The following RDX variants were observed in gnomAD, a reference collection of about 807,000 sequenced individuals.
RDX encodes the protein radixin.
A neutral mutation model predicts 83.7 loss-of-function variants in RDX; 32 were observed. The ratio of observed to expected loss-of-function variants is 0.38; its 90% CI spans 0.29 to 0.51. RDX has a LOEUF of 0.51. RDX is among the 20% of genes least tolerant of loss of function. The pLI is 0.87. For missense variants in RDX, 600 were observed against 689.9 expected (o/e 0.87, Z 1.46); for synonymous variants, 229 against 222.7 (o/e 1.03, Z -0.25).
At chr11:110,262,412 C>A (rs978384115) in intron 5 of RDX, among the ~76,000 whole-genome samples, 14 of 152,112 alleles carry the variant, frequency 9.2e-5, no homozygotes, top group Admixed American at 9.2e-4. Flanking sequence ...CGGTGAAACT[C>A]CATCTCCACT....
chr11:110,187,477 T>C (rs1187190703), intron 15 of RDX, among the ~76,000 whole-genome samples: 4 of 152,156 alleles, frequency 2.6e-5, no homozygotes, highest in Non-Finnish European at 5.9e-5. Context: ...GCAGAGATCA[T>C]GGTGCAGGGG....
intron 2 of RDX, among the ~76,000 whole-genome samples, chr11:110,278,588 A>C (rs1860611461): frequency 6.6e-6 from 1 of 152,082 alleles, no homozygotes; most frequent in South Asian, 2.1e-4. Context: ...ACAATCTTGC[A>C]TCTGGCAATC....
At chr11:110,209,538 CACAG>C (rs1384479107) in intron 14 of RDX, among the ~76,000 whole-genome samples, 6 of 152,288 alleles carry the variant, frequency 3.9e-5, no homozygotes, top group Admixed American at 2.0e-4. Flanking sequence ...GGGGGCAGGG[CACAG>C]ACAAACAAAA....
chr11:110,248,122 T>C (rs1025843502), intron 9 of RDX, among the ~76,000 whole-genome samples: 2 of 152,128 alleles, frequency 1.3e-5, no homozygotes, highest in African/African-American at 4.8e-5. Context: ...AGACCACATA[T>C]TGGGTATAGT....
At chr11:110,193,739 T>C (rs898847) in intron 15 of RDX, among the ~76,000 whole-genome samples, 118,523 of 152,036 alleles carry the variant, frequency 0.78, 46,438 homozygotes, top group East Asian at 0.93. Context: ...GTTGGAGTGA[T>C]GTGTCCAAAT....
intron 14 of RDX, among the ~76,000 whole-genome samples, chr11:110,206,251 C>A (rs1863598059): frequency 1.5e-5 from 1 of 68,586 alleles, no homozygotes; most frequent in Non-Finnish European, 2.5e-5. Flanking sequence ...AGTGAGAGTC[C>A]ATCTCAAAAA....
intron 3 of RDX, among the ~76,000 whole-genome samples, chr11:110,269,045 C>G (rs141466470): frequency 1.3e-5 from 2 of 151,622 alleles, no homozygotes; most frequent in African/African-American, 4.8e-5. Flanking sequence ...CCTCTACCTC[C>G]TGGGTTTCAG....
At chr11:110,188,913 T>C (rs1338551431) in intron 15 of RDX, among the ~76,000 whole-genome samples, 1 of 151,956 alleles carries the variant, frequency 6.6e-6, no homozygotes, top group Non-Finnish European at 1.5e-5. Context: ...CATACATGGC[T>C]CACAGACCCT....
chr11:110,233,326 A>G lies in RDX; in HGVS notation c.1498T>C (p.Leu500=). Residue 500 remains leucine (L), a synonymous_variant, in exon 13 of 14, where the codon TTA becomes CTA. Transcript: ENST00000645495. ...TGGTTCATTACCCCTTCATTTGATA[A>G]TTCAGCACTAGCTTCAGCATTATTC... ...DENNAEASAE[L]SNEGVMNHRS... 6.2e-7 allele frequency: 1 copy of G among 1,614,074 alleles called. No homozygotes were observed. The highest frequency in any genetic ancestry group is 8.5e-7 in the Non-Finnish European group (1 of 1,180,018).
chr11:110,250,666 G>A (rs1859295435), intron 9 of RDX, among the ~76,000 whole-genome samples: 1 of 151,318 alleles, frequency 6.6e-6, no homozygotes, highest in Admixed American at 6.6e-5. Flanking sequence ...AAAGAATCAA[G>A]ATAATCTGGC....
At chr11:110,288,037 G>A (rs1861056631) in intron 1 of RDX, among the ~76,000 whole-genome samples, 1 of 152,188 alleles carries the variant, frequency 6.6e-6, no homozygotes, top group South Asian at 2.1e-4. Flanking sequence ...TGTTTTAAGT[G>A]CACATTAATA....
At chr11:110,196,713 T>C (rs538828581) in intron 15 of RDX, among the ~76,000 whole-genome samples, 1 of 152,272 alleles carries the variant, frequency 6.6e-6, no homozygotes, top group African/African-American at 2.4e-5. Context: ...GGGTTTACTC[T>C]GGCCTCCTCA....
chr11:110,247,296 T>C (rs1859150746), intron 10 of RDX, among the ~76,000 whole-genome samples: 1 of 152,192 alleles, frequency 6.6e-6, no homozygotes, highest in Non-Finnish European at 1.5e-5. Flanking sequence ...ATAGTCAGAA[T>C]AGCTTAAATT....
At chr11:110,280,557 C>A (rs1860718897) in intron 1 of RDX, among the ~76,000 whole-genome samples, 1 of 152,210 alleles carries the variant, frequency 6.6e-6, no homozygotes, top group South Asian at 2.1e-4. Context: ...CTTATTTTTT[C>A]TTCTTGTAAA....
At chr11:110,268,644 G>A (rs1860160431) in intron 3 of RDX, among the ~76,000 whole-genome samples, 1 of 152,148 alleles carries the variant, frequency 6.6e-6, no homozygotes, top group Non-Finnish European at 1.5e-5. Flanking sequence ...GGGCACAGGG[G>A]ATAATAGCTT....
At chr11:110,216,377 A>ATTT (rs1449143075) in intron 14 of RDX, among the ~76,000 whole-genome samples, 1 of 143,680 alleles carries the variant, frequency 7.0e-6, no homozygotes, top group African/African-American at 2.5e-5. Context: ...ACTTTTTCTA[A>ATTT]TTTTTTTTTT....
At chr11:110,287,402 A>G (rs1861027408) in intron 1 of RDX, among the ~76,000 whole-genome samples, 1 of 152,200 alleles carries the variant, frequency 6.6e-6, no homozygotes, top group African/African-American at 2.4e-5. Context: ...TGTACTGCTA[A>G]TGCTAATGTT....
At position 110,236,119 on chromosome 11, in the gene RDX, C is replaced by T; in HGVS notation, c.1324G>A (p.Ala442Thr). Reference protein sequence around the residue: ...EEAKKKKEEEATEWQHKAFAA... With the variant: ...EEAKKKKEEETTEWQHKAFAA... ...ATTACTTTGTGTTGCCACTCAGTAG[C>T]TTCCTCTTCCTTTTTCTTCTTGGCT... Residue 442 changes from alanine to threonine, a missense_variant, in exon 12 of 14, where the codon GCT (alanine) becomes ACT (threonine). Ala to Thr is a moderately conservative substitution (Grantham distance 58, BLOSUM62 0). Coordinates refer to ENST00000645495, the MANE Select transcript of RDX (RefSeq NM_002906.4). The T allele has an allele frequency of 6.2e-7, 1 of 1,611,590 alleles. No homozygotes were observed. The highest frequency in any genetic ancestry group is 2.2e-5 in the East Asian group (1 of 44,836).
chr11:110,224,402 C>T lies in RDX; in HGVS notation c.1748+7471G>A, dbSNP rs550085915. On this transcript the variant is annotated intron_variant, in intron 14 of 15. Transcript: ENST00000528498. ...TCAAACATACACAGATATTAAGCCT[C>T]GGTTAGGCATACATTTTTGTGAAGA... Among the ~76,000 whole-genome samples, 51 of 151,972 alleles carry T rather than the reference C, an allele frequency of 3.4e-4. 2 individuals carry two copies. The South Asian group carries it at 0.01, about 30-fold the overall frequency.
Sources: allele counts gnomAD v4.1 joint callset (sites outside exome capture counted in the v4.1 genomes callset), GRCh38; gene constraint gnomAD v4.1.1; transcripts MANE v1.5; gene names NCBI Gene and HGNC (gene_info 2026-07-23, HGNC 2026-07-21).